The following TESPA1 variants were observed in gnomAD, a reference collection of about 807,000 sequenced individuals.
TESPA1 encodes the protein protein TESPA1.
TESPA1 carries 33 observed loss-of-function variants against 57.9 expected under a neutral mutation model. That is an observed-to-expected ratio of 0.57 (90% confidence interval 0.43 to 0.76). The LOEUF is 0.76. TESPA1 is among the 30% of genes least tolerant of loss of function. The pLI is 0.00. For synonymous variants in TESPA1, 227 were observed against 228.9 expected, an observed-to-expected ratio of 0.99 and a Z score of 0.07; for missense variants, 618 against 632.9, an observed-to-expected ratio of 0.98 and a Z score of 0.25.
At position 54,973,620 on chromosome 12, in the gene TESPA1, G is replaced by A. The variant is rs192490282; in HGVS notation, c.164-101C>T. ...ACAAGTTTATTCTTACATAAGCTGC[G>A]TCATGAATCTTTTTTTCTACATAAA... On this transcript the variant is annotated intron_variant, in intron 2 of 10. Coordinates refer to ENST00000449076, the MANE Select transcript of TESPA1 (RefSeq NM_001136030.3). The A allele has an allele frequency of 6.1e-5, 97 of 1,586,144 alleles. No homozygotes were observed. In the Middle Eastern group the frequency reaches 8.4e-4, roughly 14 times the overall value.
At chr12:54,969,625 T>C (rs1951695025) in intron 3 of TESPA1, among the ~76,000 whole-genome samples, 1 of 152,124 alleles carries the variant, frequency 6.6e-6, no homozygotes, top group Non-Finnish European at 1.5e-5. Context: ...CAACTTAATA[T>C]TACACAATAA....
rs1297701783 is a variant in TESPA1, at chr12:54,963,274, G to A, written c.656-32C>T. On this transcript the variant is annotated intron_variant, in intron 8 of 10. Coordinates refer to ENST00000449076, the MANE Select transcript of TESPA1 (RefSeq NM_001136030.3). The stretch of plus-strand genomic sequence containing the variant: ...ACAAGAGTTAAAGATGGTAAGTCTG[G>A]GGTTCATCAGCAAATCTTCTTAAAT... 3 of 1,565,886 alleles carry A rather than the reference G, an allele frequency of 1.9e-6. No individual in the cohort carries two copies. In the South Asian group the frequency reaches 3.5e-5, roughly 18 times the overall value.
intron 1 of TESPA1, among the ~76,000 whole-genome samples, chr12:54,975,634 C>T (rs898084022): frequency 7.9e-5 from 12 of 151,752 alleles, no homozygotes; most frequent in African/African-American, 1.7e-4. Context: ...CCTATTTCCT[C>T]GAGCTGCCAT....
intron 3 of TESPA1, among the ~76,000 whole-genome samples, chr12:54,969,021 G>GTGTGTGTGTGTATATATATATATA (rs370590552): frequency 2.4e-5 from 2 of 83,674 alleles, no homozygotes; most frequent in Non-Finnish European, 4.4e-5. Context: ...ATTTATATAT[G>GTGTGTGTGTGTATATATATATATA]TATATATATA....
At chr12:54,966,005 G>T in intron 7 of TESPA1, 48 bp downstream of exon 7, 1 of 1,531,624 alleles carries the variant, frequency 6.5e-7, no homozygotes, top group East Asian at 2.4e-5. Context: ...ATTCTCCTAT[G>T]CTTCTCATCT....
In TESPA1 at chr12:54,974,494, G is replaced by A. The variant is rs1179756295; in HGVS notation, c.69C>T (p.Asn23=). Residue 23 remains asparagine (N), a synonymous_variant, in exon 2 of 11, where the codon AAC becomes AAT. Transcript: ENST00000449076. ...KRRAWLRQSR[N]WQTQVLEEEA... is the part of the protein sequence containing the mutation. ...CCTCTTCTAGGACCTGGGTCTGCCA[G>A]TTACGGCTCTGACGGAGCCAGGCCC... is the stretch of plus-strand genomic sequence containing the variant. The A allele has an allele frequency of 6.2e-7, 1 of 1,603,686 alleles. No homozygotes were observed. Among genetic ancestry groups the A allele is most frequent in the Non-Finnish European group, 8.5e-7 (1 of 1,175,120 alleles).
In TESPA1 at chr12:54,962,502, G is replaced by A. The variant is rs1951146767; in HGVS notation, c.1396C>T (p.Gln466Ter). 6.2e-7 allele frequency: 1 copy of A among 1,613,292 alleles called. No homozygotes were observed. Among genetic ancestry groups the A allele is most frequent in the Non-Finnish European group, 8.5e-7 (1 of 1,179,878 alleles). ...DLSITQQKWK[Q>*]SVDRPELRRS... ...CGCAGTTCTGGTCTGTCTACACTCT[G>A]CTTCCATTTCTGCTGGGTGATGGAC... is the stretch of plus-strand genomic sequence containing the variant. The change falls in exon 9 of 11, where the codon CAG (glutamine) becomes TAG (stop). Residue 466 changes from glutamine (Q) to a stop codon, truncating the protein, a stop_gained. Transcript: ENST00000449076. LOFTEE classifies it high-confidence loss of function.
intron 1 of TESPA1, 110 bp downstream of exon 1, chr12:54,984,475 G>C (rs1209650684): frequency 6.6e-6 from 1 of 152,180 alleles, no homozygotes; most frequent in Non-Finnish European, 1.5e-5. Flanking sequence ...ATTTTCTCTT[G>C]ATTTTCCCTT....
intron 1 of TESPA1, among the ~76,000 whole-genome samples, chr12:54,976,519 G>A (rs555547330): frequency 6.6e-6 from 1 of 152,224 alleles, no homozygotes; most frequent in African/African-American, 2.4e-5. Context: ...GAATGCAGAA[G>A]GGCAGGAGGG....
intron 7 of TESPA1, among the ~76,000 whole-genome samples, chr12:54,965,262 G>C (rs1328785127): frequency 2.6e-5 from 4 of 152,046 alleles, no homozygotes; most frequent in African/African-American, 9.7e-5. Context: ...CGTGTGCTAG[G>C]GTGGTTTGCT....
intron 3 of TESPA1, among the ~76,000 whole-genome samples, chr12:54,972,410 GAGA>G: frequency 6.6e-6 from 1 of 152,154 alleles, no homozygotes; most frequent in Admixed American, 6.5e-5. Context: ...AGTAGTTAAT[GAGA>G]TAAGGACATT....
At chr12:54,981,264 T>C (rs1022260034) in intron 1 of TESPA1, among the ~76,000 whole-genome samples, 14 of 152,104 alleles carry the variant, frequency 9.2e-5, no homozygotes, top group African/African-American at 3.4e-4. Context: ...TTGAAACATC[T>C]TGAGGAATAA....
intron 10 of TESPA1, among the ~76,000 whole-genome samples, chr12:54,956,765 C>T (rs1950759814): frequency 6.6e-6 from 1 of 152,110 alleles, no homozygotes; most frequent in Non-Finnish European, 1.5e-5. Flanking sequence ...ATTCTGGAGG[C>T]TGGCAAATCC....
At chr12:54,980,569 C>T (rs1320563246) in intron 1 of TESPA1, among the ~76,000 whole-genome samples, 1 of 152,214 alleles carries the variant, frequency 6.6e-6, no homozygotes, top group Non-Finnish European at 1.5e-5. Context: ...CCTTGAATTT[C>T]TGGGGCCTGT....
At chr12:54,968,075 T>C (rs1951561591) in intron 3 of TESPA1, 183 bp from the exon 4 acceptor site, 4 of 1,460,008 alleles carry the variant, frequency 2.7e-6, no homozygotes, top group South Asian at 1.2e-5. Flanking sequence ...ATAGAAGTAG[T>C]TGGGGAAACT....
At chr12:54,956,953 G>A (rs1428255261) in intron 10 of TESPA1, among the ~76,000 whole-genome samples, 1 of 152,080 alleles carries the variant, frequency 6.6e-6, no homozygotes, top group Admixed American at 6.6e-5. Context: ...ATCCATTTAC[G>A]AGGACAGAGC....
In TESPA1 at chr12:54,949,791, A is replaced by T. The variant is rs1424250002; in HGVS notation, c.*601T>A. On this transcript the variant is annotated 3_prime_UTR_variant, in exon 11 of 11. Coordinates refer to ENST00000449076, the MANE Select transcript of TESPA1 (RefSeq NM_001136030.3). ...AACTGGATTTAAGGAGGAGTCTCCA[A>T]GTTGATTTCTTCAAAGGAGGTCTCA... 1.3e-5 allele frequency: 2 copies of T among 152,434 alleles called. No homozygotes were observed. The highest frequency in any genetic ancestry group is 6.5e-5 in the Admixed American group (1 of 15,268). 9.4% of individuals were successfully genotyped at this position (152,434 alleles called of 1,614,324 possible).
intron 10 of TESPA1, among the ~76,000 whole-genome samples, chr12:54,960,902 G>A (rs1362346646): frequency 6.6e-6 from 1 of 152,148 alleles, no homozygotes; most frequent in Non-Finnish European, 1.5e-5. Context: ...GACACTCTGG[G>A]AGCTGGGATC....
At chr12:54,955,323 G>T (rs1232478792) in intron 10 of TESPA1, among the ~76,000 whole-genome samples, 1 of 152,164 alleles carries the variant, frequency 6.6e-6, no homozygotes, top group African/African-American at 2.4e-5. Context: ...AATGGACAAA[G>T]GTTGACATCC....
Sources: gnomAD v4.1 joint callset for allele counts (sites outside exome capture counted in the v4.1 genomes callset) on GRCh38, gnomAD v4.1.1 for gene constraint, MANE v1.5 for transcripts, NCBI Gene and HGNC (gene_info 2026-07-23, HGNC 2026-07-21) for gene names.